The following TYW1 variants were observed in gnomAD, a reference collection of about 807,000 sequenced individuals.
The protein encoded by TYW1 is S-adenosyl-L-methionine-dependent tRNA 4-demethylwyosine synthase TYW1.
Under a neutral mutation model 96.2 loss-of-function variants are expected in TYW1, and 46 were observed. The ratio of observed to expected loss-of-function variants is 0.48; its 90% confidence interval spans 0.38 to 0.61. TYW1 has a LOEUF of 0.61. TYW1 is among the 20% of genes least tolerant of loss of function. The pLI is 0.00. For missense variants in TYW1, 684 were observed against 909.6 expected, an observed-to-expected ratio of 0.75 and a Z score of 3.19; for synonymous variants, 274 against 323.0, an observed-to-expected ratio of 0.85 and a Z score of 1.63.
chr7:66,999,658 G>A (rs1293349945), intron 3 of TYW1, among the ~76,000 whole-genome samples: 3 of 151,894 alleles, frequency 2.0e-5, no homozygotes, highest in Non-Finnish European at 2.9e-5. Flanking sequence ...CTGGCCTCAC[G>A]TCACACATCT....
chr7:67,222,496 A>T (rs991978416), intron 15 of TYW1, among the ~76,000 whole-genome samples: 6 of 152,180 alleles, frequency 3.9e-5, no homozygotes, highest in Non-Finnish European at 7.3e-5. Flanking sequence ...TCAGCACTTT[A>T]AACATTATTA....
chr7:67,225,522 A>G (rs189687192), intron 15 of TYW1, among the ~76,000 whole-genome samples: 3 of 152,144 alleles, frequency 2.0e-5, no homozygotes, highest in Non-Finnish European at 4.4e-5. Context: ...AAGAAGAGCT[A>G]TCACCACCCC....
chr7:67,125,885 G>A (rs1285828043), intron 13 of TYW1, among the ~76,000 whole-genome samples: 1 of 152,080 alleles, frequency 6.6e-6, no homozygotes, highest in East Asian at 1.9e-4. Context: ...CCTTTCATGT[G>A]TTTTCACATG....
intron 10 of TYW1, among the ~76,000 whole-genome samples, chr7:67,068,643 CTG>C (rs1023028663): frequency 6.6e-6 from 1 of 152,144 alleles, no homozygotes; most frequent in African/African-American, 2.4e-5. Flanking sequence ...TTTTATGACT[CTG>C]TGTTATGATG....
rs183197440 is a variant in TYW1, at chr7:67,045,214, T to A, written c.985-4735T>A. Among the ~76,000 whole-genome samples the A allele has an allele frequency of 1.8e-4, 28 of 151,942 alleles. No individual in the cohort carries two copies. The East Asian group carries it at 4.4e-3, about 24-fold the overall frequency. The stretch of plus-strand genomic sequence containing the variant: ...GGTATCGTATGATTTTTTTTTTAAA[T>A]TTTTTTTATTTTTAGAGACAGGGTC... On this transcript the variant is annotated intron_variant, in intron 7 of 15. Coordinates refer to ENST00000359626, the MANE Select transcript of TYW1 (RefSeq NM_018264.4).
At chr7:67,155,681 C>T (rs1798947164) in intron 13 of TYW1, among the ~76,000 whole-genome samples, 1 of 152,142 alleles carries the variant, frequency 6.6e-6, no homozygotes, top group African/African-American at 2.4e-5. Context: ...GCCTCAGCTT[C>T]CCAAAGTGCT....
chr7:67,042,463 TA>T (rs1795058746), intron 7 of TYW1, among the ~76,000 whole-genome samples: 2 of 152,142 alleles, frequency 1.3e-5, no homozygotes, highest in Admixed American at 1.3e-4. Flanking sequence ...AATAGGGTGT[TA>T]GGGGTGGCAT....
At chr7:67,154,661 C>CT (rs1798909253) in intron 13 of TYW1, among the ~76,000 whole-genome samples, 1 of 152,052 alleles carries the variant, frequency 6.6e-6, no homozygotes, top group Non-Finnish European at 1.5e-5. Context: ...TAGAGAAGAC[C>CT]TTTTTGGATT....
intron 7 of TYW1, among the ~76,000 whole-genome samples, chr7:67,041,639 C>A (rs572019924): frequency 6.6e-6 from 1 of 152,100 alleles, no homozygotes; most frequent in African/African-American, 2.4e-5. Flanking sequence ...ACACATTCCC[C>A]GAATGCTTTC....
chr7:67,073,441 A>G (rs1414820321), intron 10 of TYW1, among the ~76,000 whole-genome samples: 1 of 152,166 alleles, frequency 6.6e-6, no homozygotes, highest in Admixed American at 6.6e-5. Flanking sequence ...TTACTATTTC[A>G]GTGAAGGGTA....
chr7:67,041,947 A>G lies in TYW1; in HGVS notation c.985-8002A>G, dbSNP rs547901411. The stretch of plus-strand genomic sequence containing the variant: ...CCAGCCGCATTGTATTTTCTTGTAT[A>G]GTAGTTAATATATTTTTTATATAAT... On this transcript the variant is annotated intron_variant, in intron 7 of 15. Coordinates refer to ENST00000359626, the MANE Select transcript of TYW1 (RefSeq NM_018264.4). Among the ~76,000 whole-genome samples the G allele has an allele frequency of 4.0e-4, 60 of 150,140 alleles. No homozygotes were observed. The South Asian group carries it at 0.012, about 31-fold the overall frequency.
At chr7:67,228,966 C>G (rs1386614855) in intron 15 of TYW1, among the ~76,000 whole-genome samples, 2 of 152,170 alleles carry the variant, frequency 1.3e-5, no homozygotes, top group African/African-American at 2.4e-5. Flanking sequence ...CTGTTAGGAA[C>G]TAGTTCATGT....
At chr7:67,141,326 A>G (rs1432620882) in intron 13 of TYW1, among the ~76,000 whole-genome samples, 2 of 152,206 alleles carry the variant, frequency 1.3e-5, no homozygotes, top group Non-Finnish European at 2.9e-5. Flanking sequence ...AGGCCATCAT[A>G]AAAATAAAAA....
chr7:67,041,437 A>G lies in TYW1; in HGVS notation c.985-8512A>G, dbSNP rs1342513832. Among the ~76,000 whole-genome samples, 28 of 152,088 alleles carry G rather than the reference A, an allele frequency of 1.8e-4. 1 individual carries two copies. The East Asian group carries it at 5.2e-3, about 28-fold the overall frequency. On this transcript the variant is annotated intron_variant, in intron 7 of 15. Transcript: ENST00000359626. Reference sequence around the variant, plus strand: ...TGCCTCAGCCTCCCCAGTAGGTGGGATTATAGCACCCGCCACCACGCCCGG... The same window carrying G: ...TGCCTCAGCCTCCCCAGTAGGTGGGGTTATAGCACCCGCCACCACGCCCGG...
At chr7:67,099,632 A>G (rs1421837460) in intron 12 of TYW1, among the ~76,000 whole-genome samples, 1 of 152,196 alleles carries the variant, frequency 6.6e-6, no homozygotes, top group Non-Finnish European at 1.5e-5. Flanking sequence ...AGGAACCTAG[A>G]TAGGAGATTA....
chr7:67,068,284 A>ATCCCT (rs1204918009), intron 10 of TYW1, among the ~76,000 whole-genome samples: 1 of 152,164 alleles, frequency 6.6e-6, no homozygotes, highest in African/African-American at 2.4e-5. Flanking sequence ...GGCCTCCCAA[A>ATCCCT]GTGCTGGGAT....
At chr7:67,037,102 C>A (rs1794863059) in intron 7 of TYW1, among the ~76,000 whole-genome samples, 1 of 152,304 alleles carries the variant, frequency 6.6e-6, no homozygotes, top group Non-Finnish European at 1.5e-5. Flanking sequence ...CTTGAGCACC[C>A]CCTCTTCCTC....
At chr7:67,150,057 T>G (rs2844186) in intron 13 of TYW1, among the ~76,000 whole-genome samples, 6 of 149,748 alleles carry the variant, frequency 4.0e-5, no homozygotes, top group African/African-American at 1.5e-4. Context: ...TCTGGTAGAC[T>G]CTGAAAAACA....
chr7:67,073,889 T>G (rs568600202), intron 10 of TYW1, among the ~76,000 whole-genome samples: 13 of 149,380 alleles, frequency 8.7e-5, no homozygotes, highest in Admixed American at 8.0e-4. Context: ...GAAACCATCC[T>G]GGCTAACACG....
Sources: gnomAD v4.1 joint callset for allele counts (sites outside exome capture counted in the v4.1 genomes callset) on GRCh38, gnomAD v4.1.1 for gene constraint, MANE v1.5 for transcripts, NCBI Gene and HGNC (gene_info 2026-07-23, HGNC 2026-07-21) for gene names.